The following KDM5C variants were observed in gnomAD, a reference collection of about 807,000 sequenced individuals.
The protein encoded by KDM5C is lysine-specific demethylase 5C.
A neutral mutation model predicts 110.6 loss-of-function variants in KDM5C; 16 were observed. The observed-to-expected ratio is 0.14, with a 90% CI of 0.10 to 0.22. KDM5C has a LOEUF of 0.22. Among genes scored for constraint, KDM5C ranks in the 10% least tolerant of loss-of-function variants. The probability of loss-of-function intolerance (pLI) is 1.00; values close to 1 mark genes in which losing one functional copy is unlikely to be tolerated. For missense variants in KDM5C, 681 were observed against 1,300.9 expected (o/e 0.52, Z 7.33); for synonymous variants, 511 against 520.4 (o/e 0.98, Z 0.24).
At chrX:53,220,952 T>C in intron 1 of KDM5C, 36 bp from the exon 2 acceptor site, 1 of 1,124,934 alleles carries the variant, frequency 8.9e-7, no homozygotes, top group Non-Finnish European at 1.2e-6. Flanking sequence ...ACTTGAGTTA[T>C]CTCAGCATAG....
In KDM5C at chrX:53,211,861, G is replaced by A. The variant is rs2073571885; in HGVS notation, c.1168C>T (p.Arg390Trp). 8.3e-7 allele frequency: 1 copy of A among 1,210,660 alleles called. No homozygotes were observed. Among genetic ancestry groups the A allele is most frequent in the Non-Finnish European group, 1.1e-6 (1 of 894,704 alleles). Reference protein sequence around the residue: ...PEAFGFEQATREYTLQSFGEM... With the variant: ...PEAFGFEQATWEYTLQSFGEM... ...CCAAAGCTCTGCAGAGTGTATTCCC[G>A]GGTAGCCTGCTCAAAGCCAAAGGCT... The change falls in exon 9 of 26, where the codon CGG becomes TGG. Residue 390 changes from arginine (R) to tryptophan (W), a missense_variant. By Grantham distance (101) the Arg-to-Trp change is moderately radical. Transcript: ENST00000375401.
At chrX:53,185,054 C>G (rs1233228429) in intron 25 of KDM5C, among the ~76,000 whole-genome samples, 2 of 112,248 alleles carry the variant, frequency 1.8e-5, no homozygotes, top group African/African-American at 6.5e-5. Flanking sequence ...ATTCAACTCA[C>G]CCTTTTGACT....
intron 2 of KDM5C, among the ~76,000 whole-genome samples, chrX:53,220,131 G>C (rs2073856327): frequency 8.9e-6 from 1 of 111,764 alleles, no homozygotes; most frequent in Non-Finnish European, 1.9e-5. Context: ...CATAATAATG[G>C]GGGAGGGAGT....
In KDM5C at chrX:53,201,365, T is replaced by C. The variant is rs782330954; in HGVS notation, c.2061+185A>G. ...ATTTTTCAGAGGGGAAAACTGACAATGAAGTAAATCGACTTAAGGTTGCTG... is the reference window on the plus strand; with the variant it reads ...ATTTTTCAGAGGGGAAAACTGACAACGAAGTAAATCGACTTAAGGTTGCTG... On this transcript the variant is annotated intron_variant, in intron 14 of 25. Transcript: ENST00000375401. 3 of 470,342 alleles carry C rather than the reference T, an allele frequency of 6.4e-6. No individual in the cohort carries two copies. The South Asian group carries it at 9.0e-5, about 14-fold the overall frequency. 38.8% of individuals were successfully genotyped at this position (470,342 alleles called of 1,213,427 possible). A position where few individuals can be genotyped will look rare whatever the true frequency, so the allele number is the denominator to read the frequency against.
rs1556831792 is a variant in KDM5C, at chrX:53,192,871, C to T, written c.*96G>A. ...GTAGCAGGGATGGCCACCCCCCTACCCGCCCACCCCCCAAGAAGCAGGCTT... is the reference window on the plus strand; with the variant it reads ...GTAGCAGGGATGGCCACCCCCCTACTCGCCCACCCCCCAAGAAGCAGGCTT... On this transcript the variant is annotated 3_prime_UTR_variant, in exon 26 of 26. Coordinates refer to ENST00000375401, the MANE Select transcript of KDM5C (RefSeq NM_004187.5). 1.5e-6 allele frequency: 1 copy of T among 666,295 alleles called. No individual in the cohort carries two copies. Among genetic ancestry groups the T allele is most frequent in the Non-Finnish European group, 2.1e-6 (1 of 486,546 alleles). The allele number at this position is 666,295 out of a possible 1,213,427, so 54.9% of individuals were successfully genotyped here. A position where few individuals can be genotyped will look rare whatever the true frequency, so the allele number is the denominator to read the frequency against.
At chrX:53,221,749 G>A in intron 1 of KDM5C, 3 of 981,810 alleles carry the variant, frequency 3.1e-6, no homozygotes, top group Non-Finnish European at 4.0e-6. Context: ...GGAAGAGGCA[G>A]GGGAGGAAGC....
At chrX:53,218,041 G>A (rs2073796730) in intron 3 of KDM5C, 75 bp from the exon 4 acceptor site, 1 of 1,071,158 alleles carries the variant, frequency 9.3e-7, no homozygotes, top group Admixed American at 2.4e-5. Context: ...TGTAGAAAGG[G>A]CAAAAGGGCA....
At position 53,192,523 on chromosome X, in the gene KDM5C, G is replaced by C. The variant is rs1407275904; in HGVS notation, c.*444C>G. 12 of 334,874 alleles carry C rather than the reference G, an allele frequency of 3.6e-5. No individual in the cohort carries two copies. The South Asian group carries it at 3.7e-4, about 10-fold the overall frequency. 27.6% of individuals were successfully genotyped at this position (334,874 alleles called of 1,213,427 possible). A position where few individuals can be genotyped will look rare whatever the true frequency, so the allele number is the denominator to read the frequency against. ...AGTCAGGGGAAGGGAGAGGGAGAAGGGGGTAGGAAGGAAGGAAAAGAGGGG... is the reference window on the plus strand; with the variant it reads ...AGTCAGGGGAAGGGAGAGGGAGAAGCGGGTAGGAAGGAAGGAAAAGAGGGG... On this transcript the variant is annotated 3_prime_UTR_variant, in exon 26 of 26. Coordinates refer to ENST00000375401, the MANE Select transcript of KDM5C (RefSeq NM_004187.5).
intron 14 of KDM5C, among the ~76,000 whole-genome samples, chrX:53,200,961 A>G (rs1350932030): frequency 1.8e-5 from 2 of 112,766 alleles, no homozygotes; most frequent in African/African-American, 6.4e-5. Flanking sequence ...ATGTAATAAA[A>G]TGGCAATTCC....
chrX:53,213,647 G>C (rs1193993763), intron 8 of KDM5C, among the ~76,000 whole-genome samples: 1 of 111,295 alleles, frequency 9.0e-6, no homozygotes, highest in Non-Finnish European at 1.9e-5. Flanking sequence ...TCCCAGTCCT[G>C]AACAGCCAAC....
rs370672146 is a variant in KDM5C, at chrX:53,194,644, G to A, written c.3533C>T (p.Ser1178Leu). ...NSAKPSPLAS[S>L]STASSTTSIC... The stretch of plus-strand genomic sequence containing the variant: ...AGAGGTTGTAGAGGAGGCCGTGCTC[G>A]ATGATGCCAGTGGACTGGGCTTGGC... The change falls in exon 23 of 26, where the codon TCG (serine) becomes TTG (leucine). Residue 1178 changes from serine (S) to leucine (L), a missense_variant. Ser to Leu is a moderately radical substitution (Grantham distance 145, BLOSUM62 -2). Around this residue, in one of 14 missense-constraint regions of KDM5C, gnomAD observed 48 missense variants for 59.7 expected, o/e 0.80. Transcript: ENST00000375401. The A allele has an allele frequency of 6.4e-5, 78 of 1,210,391 alleles. No homozygotes were observed. Among genetic ancestry groups the A allele is most frequent in the Non-Finnish European group, 8.3e-5 (74 of 895,220 alleles).
intron 12 of KDM5C, among the ~76,000 whole-genome samples, chrX:53,209,053 G>A (rs2073477139): frequency 9.1e-6 from 1 of 110,217 alleles, no homozygotes; most frequent in African/African-American, 3.3e-5. Flanking sequence ...CTGACCTCAA[G>A]TGATCTGACT....
chrX:53,207,049 T>C (rs2073357927), intron 12 of KDM5C, among the ~76,000 whole-genome samples: 1 of 104,950 alleles, frequency 9.5e-6, no homozygotes, highest in African/African-American at 3.5e-5. Context: ...CAGTGGCTCA[T>C]GCCTGTAGTC....
At chrX:53,198,182 G>A (rs931036020) in intron 17 of KDM5C, among the ~76,000 whole-genome samples, 2 of 111,406 alleles carry the variant, frequency 1.8e-5, no homozygotes, top group African/African-American at 6.5e-5. Flanking sequence ...GTTCTTACCC[G>A]TAAGCCTCCC....
intron 25 of KDM5C, among the ~76,000 whole-genome samples, chrX:53,180,541 CT>C (rs1556825551): frequency 9.1e-6 from 1 of 109,432 alleles, no homozygotes; most frequent in East Asian, 2.9e-4. Flanking sequence ...GGGATACATA[CT>C]TTCCACTCAA....
rs372082304 is a variant in KDM5C, at chrX:53,211,520, G to A, written c.1378C>T (p.Arg460Trp). The change falls in exon 10 of 26, where the codon CGG becomes TGG. Residue 460 changes from arginine to tryptophan, a missense_variant. This residue lies in a region of KDM5C where 41 missense variants were observed against 205.9 expected (regional missense o/e 0.20). Transcript: ENST00000375401. ...GSGFPVSDSK[R>W]HLTPEEEEYA... ...ACCTCCTCTTCGGGGGTTAGGTGCCGTTTACTGTCACTGACAGGGAAACCG... is the reference window on the plus strand; with the variant it reads ...ACCTCCTCTTCGGGGGTTAGGTGCCATTTACTGTCACTGACAGGGAAACCG... 17 of 1,210,071 alleles carry A rather than the reference G, an allele frequency of 1.4e-5. No individual in the cohort carries two copies. Among genetic ancestry groups the A allele is most frequent in the East Asian group, 3.0e-5 (1 of 33,795 alleles).
chrX:53,216,510 G>C (rs1054916775), intron 5 of KDM5C, among the ~76,000 whole-genome samples: 1 of 112,434 alleles, frequency 8.9e-6, no homozygotes, highest in Non-Finnish European at 1.9e-5. Flanking sequence ...ACAGTGTTTG[G>C]CATTACCAAC....
At position 53,211,251 on chromosome X, in the gene KDM5C, C is replaced by A. The variant is rs921953290; in HGVS notation, c.1401+246G>T. 6.3e-5 allele frequency among the ~76,000 whole-genome samples: 7 copies of A among 111,653 alleles called. No individual in the cohort carries two copies. In the Admixed American group the frequency reaches 6.7e-4, roughly 11 times the overall value. On this transcript the variant is annotated intron_variant, in intron 10 of 25. Coordinates refer to ENST00000375401, the MANE Select transcript of KDM5C (RefSeq NM_004187.5). ...ATACCTTCTCATTTAATTTTTATAACAAATTTGCAAAGTAGATATTATCCC... is the reference window on the plus strand; with the variant it reads ...ATACCTTCTCATTTAATTTTTATAAAAAATTTGCAAAGTAGATATTATCCC...
chrX:53,218,612 G>A (rs1468056954), intron 2 of KDM5C: 2 of 481,439 alleles, frequency 4.2e-6, no homozygotes, highest in South Asian at 2.6e-5. Context: ...GTCTTGCTCT[G>A]TCGCCCAAGC....
Sources: gnomAD v4.1 joint callset for allele counts (sites outside exome capture counted in the v4.1 genomes callset) on GRCh38, gnomAD v4.1.1 for gene constraint, gnomAD v4.1.1 regional missense constraint, MANE v1.5 for transcripts, NCBI Gene and HGNC (gene_info 2026-07-23, HGNC 2026-07-21) for gene names.